The following LMO7 variants were observed in gnomAD, a reference collection of about 807,000 sequenced individuals.
LMO7 encodes LIM domain 7.
LMO7 carries 120 observed loss-of-function variants against 206.5 expected under a neutral mutation model. The ratio of observed to expected loss-of-function variants is 0.58; its 90% CI spans 0.50 to 0.68. LMO7 has a LOEUF of 0.68. Among genes scored for constraint, LMO7 ranks in the 30% least tolerant of loss-of-function variants. The pLI is 0.00. For missense variants in LMO7, 1,959 were observed against 1,957.9 expected, an observed-to-expected ratio of 1.00 and a Z score of -0.01; for synonymous variants, 706 against 681.5, an observed-to-expected ratio of 1.04 and a Z score of -0.56.
chr13:75,835,288 A>G lies in LMO7; in HGVS notation c.3282A>G (p.Lys1094=). 1 of 1,610,652 alleles carries G rather than the reference A, an allele frequency of 6.2e-7. No homozygotes were observed. Among genetic ancestry groups the G allele is most frequent in the Non-Finnish European group, 8.5e-7 (1 of 1,178,420 alleles). The part of the protein sequence containing the change: ...DATSGIYNSE[K]SSNLSVTTDF... ...CTTCTGGAATTTACAACTCAGAAAAATCTTCAAATCTATCTGTAACAACTG... is the reference window on the plus strand; with the variant it reads ...CTTCTGGAATTTACAACTCAGAAAAGTCTTCAAATCTATCTGTAACAACTG... Residue 1094 remains lysine, a synonymous_variant, in exon 18 of 31, where the codon AAA becomes AAG. Transcript: ENST00000377534.
intron 15 of LMO7, among the ~76,000 whole-genome samples, chr13:75,830,633 G>A (rs1398418730): frequency 2.0e-5 from 3 of 152,150 alleles, no homozygotes; most frequent in Admixed American, 6.6e-5. Flanking sequence ...CAAAGAGGAG[G>A]AGGTTATCTG....
intron 4 of LMO7, among the ~76,000 whole-genome samples, chr13:75,769,512 A>G (rs903256917): frequency 6.6e-6 from 1 of 152,130 alleles, no homozygotes; most frequent in African/African-American, 2.4e-5. Flanking sequence ...TTGTACACTC[A>G]GTAACTCATA....
At chr13:75,812,575 G>A (rs1039196208) in intron 11 of LMO7, among the ~76,000 whole-genome samples, 15 of 152,102 alleles carry the variant, frequency 9.9e-5, no homozygotes, top group Admixed American at 9.8e-4. Context: ...CTGAAAGTGA[G>A]TTCTAAAAGG....
intron 1 of LMO7, among the ~76,000 whole-genome samples, chr13:75,676,694 T>C (rs2040043782): frequency 6.6e-6 from 1 of 152,212 alleles, no homozygotes; most frequent in Non-Finnish European, 1.5e-5. Context: ...CTAACAAAGA[T>C]GAGAAGGCAT....
Position 75,817,163 on chromosome 13 carries a change from G to C in LMO7, c.1949G>C (p.Ser650Thr), listed in dbSNP as rs1195898676. The C allele has an allele frequency of 6.2e-7, 1 of 1,609,548 alleles. No individual in the cohort carries two copies. Among genetic ancestry groups the C allele is most frequent in the South Asian group, 1.1e-5 (1 of 90,812 alleles). The change falls in exon 12 of 31, where the codon AGT (serine) becomes ACT (threonine). Residue 650 changes from serine to threonine, a missense_variant and splice_region_variant. Transcript: ENST00000377534. ...LFQKIYGENG[S>T]KSMSDVSAED... ...AACCATGAGTCTTTTTGTTGTAGGA[G>C]TAAGTCCATGAGTGATGTCAGCGCA...
In LMO7 at chr13:75,713,221, G is replaced by T. The variant is rs747708993; in HGVS notation, c.109G>T (p.Ala37Ser). ...GAATTTTGAAACAAAAGATTTTCGA[G>T]CCTCTCTAGAAAATGGTGTTCTGCT... is the stretch of plus-strand genomic sequence containing the variant. ...EKNFETKDFR[A>S]SLENGVLLCD... Residue 37 changes from alanine (A) to serine (S), a missense_variant, in exon 2 of 31, where the codon GCC becomes TCC. Coordinates refer to ENST00000377534, the MANE Select transcript of LMO7 (RefSeq NM_001306080.2). 5 of 1,611,418 alleles carry T rather than the reference G, an allele frequency of 3.1e-6. No individual in the cohort carries two copies. Among genetic ancestry groups the T allele is most frequent in the East Asian group, 4.5e-5 (2 of 44,822 alleles).
intron 27 of LMO7, among the ~76,000 whole-genome samples, chr13:75,852,702 C>A (rs2060592867): frequency 6.6e-6 from 1 of 152,106 alleles, no homozygotes; most frequent in Admixed American, 6.5e-5. Flanking sequence ...TATGACCAGT[C>A]TGTTGTTGAC....
intron 4 of LMO7, among the ~76,000 whole-genome samples, chr13:75,780,497 C>T (rs1028071507): frequency 5.3e-5 from 8 of 152,168 alleles, no homozygotes; most frequent in Non-Finnish European, 8.8e-5. Flanking sequence ...CTCCCTTGTT[C>T]CCTGAACATC....
rs1222824756 is a variant in LMO7 at position 75,636,485 on chromosome 13, C to T, written c.-173C>T. ...CGTTCGTGTAGGTTCGAGACCTTAA[C>T]GAACTGCAGAGCGCAACAAAGGGAA... On this transcript the variant is annotated 5_prime_UTR_variant, in exon 1 of 31. In the 5' UTR this introduces an upstream ATG that the reference lacks. Coordinates refer to ENST00000377534, the MANE Select transcript of LMO7 (RefSeq NM_001306080.2). 3 of 1,456,024 alleles carry T rather than the reference C, an allele frequency of 2.1e-6. No individual in the cohort carries two copies. Among genetic ancestry groups the T allele is most frequent in the Non-Finnish European group, 2.7e-6 (3 of 1,114,498 alleles). 90.2% of individuals were successfully genotyped at this position (1,456,024 alleles called of 1,614,324 possible).
chr13:75,746,360 T>C (rs975613462), intron 3 of LMO7, among the ~76,000 whole-genome samples: 4 of 152,122 alleles, frequency 2.6e-5, no homozygotes, highest in Non-Finnish European at 5.9e-5. Context: ...TTTGTGATTA[T>C]TAAGAAATGG....
intron 3 of LMO7, among the ~76,000 whole-genome samples, chr13:75,737,746 C>CT (rs2045975773): frequency 9.7e-5 from 4 of 41,432 alleles, no homozygotes. Context: ...GAGCGAGACT[C>CT]CGTCTCAAAA....
intron 3 of LMO7, among the ~76,000 whole-genome samples, chr13:75,758,324 A>G (rs971105250): frequency 1.3e-5 from 2 of 152,174 alleles, no homozygotes; most frequent in African/African-American, 4.8e-5. Flanking sequence ...AATTTTATAT[A>G]TACCCTTAGG....
At position 75,805,975 on chromosome 13, in the gene LMO7, A is replaced by G. The variant is rs528304363; in HGVS notation, c.1196+215A>G. 6 of 1,114,644 alleles carry G rather than the reference A, an allele frequency of 5.4e-6. No homozygotes were observed. The South Asian group carries it at 1.2e-4, about 22-fold the overall frequency. The allele number at this position is 1,114,644 out of a possible 1,614,324, so 69.0% of individuals were successfully genotyped here. A position where few individuals can be genotyped will look rare whatever the true frequency, so the allele number is the denominator to read the frequency against. On this transcript the variant is annotated intron_variant, in intron 9 of 30. Coordinates refer to ENST00000377534, the MANE Select transcript of LMO7 (RefSeq NM_001306080.2). ...GCCCTGTTCTATACATAGTCATAGC[A>G]CGGCATTATTTTTAGTAGTTCTGTT...
At chr13:75,800,002 T>C (rs1210307564) in intron 6 of LMO7, among the ~76,000 whole-genome samples, 1 of 152,322 alleles carries the variant, frequency 6.6e-6, no homozygotes. Context: ...TTTATTTAGG[T>C]CCATAGAAAA....
At chr13:75,665,890 A>G (rs1483024388) in intron 1 of LMO7, among the ~76,000 whole-genome samples, 2 of 152,310 alleles carry the variant, frequency 1.3e-5, no homozygotes, top group East Asian at 3.9e-4. Flanking sequence ...ACCAGAAGTG[A>G]ATAAATATTA....
At chr13:75,676,869 C>G (rs998173702) in intron 1 of LMO7, among the ~76,000 whole-genome samples, 1 of 152,158 alleles carries the variant, frequency 6.6e-6, no homozygotes, top group African/African-American at 2.4e-5. Flanking sequence ...GGCTTTTTAC[C>G]TATCGAATGT....
intron 2 of LMO7, among the ~76,000 whole-genome samples, chr13:75,714,474 ATAT>A (rs1477385195): frequency 1.3e-5 from 2 of 152,112 alleles, no homozygotes; most frequent in African/African-American, 4.8e-5. Flanking sequence ...TCTTAAGGTG[ATAT>A]TATTAATTTT....
At chr13:75,683,064 CT>C (rs1025775588) in intron 1 of LMO7, among the ~76,000 whole-genome samples, 130 of 137,578 alleles carry the variant, frequency 9.4e-4, no homozygotes, top group Admixed American at 1.3e-3. Flanking sequence ...CTTTTTTTTT[CT>C]TTTTTTTTTT....
intron 1 of LMO7, among the ~76,000 whole-genome samples, chr13:75,684,267 CTT>C (rs1320106716): frequency 6.6e-6 from 1 of 152,164 alleles, no homozygotes; most frequent in Non-Finnish European, 1.5e-5. Flanking sequence ...CAGTTTCGCT[CTT>C]GTCTCCCAGG....
Sources: gnomAD v4.1 joint callset for allele counts (sites outside exome capture counted in the v4.1 genomes callset) on GRCh38, gnomAD v4.1.1 for gene constraint, MANE v1.5 for transcripts, NCBI Gene and HGNC (gene_info 2026-07-23, HGNC 2026-07-21) for gene names.